Variants in POM121C observed in about 807,000 individuals in gnomAD.
The protein encoded by POM121C is POM121 transmembrane nucleoporin C.
A neutral mutation model predicts 66.4 loss-of-function variants in POM121C; 20 were observed. The ratio of observed to expected loss-of-function variants is 0.30; its 90% CI spans 0.21 to 0.44. The LOEUF (loss-of-function observed/expected upper bound fraction) is 0.44, where lower values mean the gene tolerates loss of function less well. Ranked by LOEUF, POM121C falls within the 20% of genes least tolerant of loss-of-function variation. POM121C has a pLI of 1.00. For missense variants in POM121C, 580 were observed against 1,225.7 expected (o/e 0.47, Z 7.87); for synonymous variants, 286 against 528.0 (o/e 0.54, Z 6.28).
intron 7 of POM121C, among the ~76,000 whole-genome samples, chr7:75,429,431 A>G (rs1554472079): frequency 6.6e-6 from 1 of 152,204 alleles, no homozygotes; most frequent in Non-Finnish European, 1.5e-5. Flanking sequence ...CAGGAGTTTG[A>G]GACCAGCCTG....
At chr7:75,419,042 G>A in intron 14 of POM121C, 149 bp from the exon 15 acceptor site, 1 of 1,445,726 alleles carries the variant, frequency 6.9e-7, no homozygotes, top group Non-Finnish European at 9.1e-7. Context: ...CTGTACGGGA[G>A]GAGCCTCCTG....
chr7:75,476,116 G>A (rs1297690045), intron 1 of POM121C, among the ~76,000 whole-genome samples: 1 of 152,114 alleles, frequency 6.6e-6, no homozygotes, highest in African/African-American at 2.4e-5. Flanking sequence ...CCTTATCTCT[G>A]CTAAAAATAA....
At chr7:75,454,070 T>C (rs868955673) in intron 3 of POM121C, among the ~76,000 whole-genome samples, 7 of 152,228 alleles carry the variant, frequency 4.6e-5, no homozygotes, top group Middle Eastern at 3.2e-3. Flanking sequence ...ACTTTATTTA[T>C]TGGTCAGGGC....
In POM121C at chr7:75,421,172, C is replaced by T. The variant is rs191620920; in HGVS notation, c.2743+337G>A. On this transcript the variant is annotated intron_variant, in intron 13 of 14. Coordinates refer to ENST00000615331, the MANE Select transcript of POM121C (RefSeq NM_001099415.3). ...GGTATTTTTAGTAGAGACAGGGTTT[C>T]GCCAAGTTGCCCAGGCTGGTCTTGA... The T allele has an allele frequency of 8.0e-5, 39 of 487,206 alleles. 1 individual carries two copies. The highest frequency in any genetic ancestry group is 6.8e-4 in the African/African-American group (34 of 49,858). 30.2% of individuals were successfully genotyped at this position (487,206 alleles called of 1,614,324 possible). A position where few individuals can be genotyped will look rare whatever the true frequency, so the allele number is the denominator to read the frequency against.
rs587613557 is a variant in POM121C, at chr7:75,419,271, A to G, written c.2866+49T>C. 6.3e-5 allele frequency: 98 copies of G among 1,564,116 alleles called. No individual in the cohort carries two copies. In the Admixed American group the frequency reaches 8.4e-4, roughly 13 times the overall value. On this transcript the variant is annotated intron_variant, in intron 14 of 14. Coordinates refer to ENST00000615331, the MANE Select transcript of POM121C (RefSeq NM_001099415.3). ...GGCCAGGAGCCTGCCACCCCACCCA[A>G]CCTCTCCTCAGACAGACGAGCAGGG...
intron 7 of POM121C, among the ~76,000 whole-genome samples, chr7:75,435,394 T>C (rs1455286677): frequency 1.3e-5 from 2 of 151,908 alleles, no homozygotes; most frequent in Admixed American, 1.3e-4. Flanking sequence ...CAAAAAATAA[T>C]AAAAATGGAG....
At chr7:75,482,460 G>A (rs182920248) in intron 1 of POM121C, among the ~76,000 whole-genome samples, 29 of 152,302 alleles carry the variant, frequency 1.9e-4, no homozygotes, top group African/African-American at 6.7e-4. Flanking sequence ...TTGGGACACC[G>A]AGGCGGGCAG....
At chr7:75,438,775 C>G (rs1485859885) in intron 6 of POM121C, among the ~76,000 whole-genome samples, 2 of 152,184 alleles carry the variant, frequency 1.3e-5, no homozygotes, top group Non-Finnish European at 2.9e-5. Context: ...GAGCCACTTT[C>G]CTTTCCACCC....
chr7:75,438,539 T>C (rs1162991012), intron 6 of POM121C, among the ~76,000 whole-genome samples: 1 of 152,236 alleles, frequency 6.6e-6, no homozygotes, highest in Non-Finnish European at 1.5e-5. Context: ...TCACTGGGAA[T>C]GAATTTCCGT....
intron 7 of POM121C, among the ~76,000 whole-genome samples, chr7:75,430,710 C>T (rs2116364680): frequency 6.6e-6 from 1 of 152,254 alleles, no homozygotes; most frequent in South Asian, 2.1e-4. Context: ...GTAACACATA[C>T]ATGACAGAGA....
At chr7:75,457,984 C>T (rs1354049977) in intron 3 of POM121C, among the ~76,000 whole-genome samples, 10 of 152,286 alleles carry the variant, frequency 6.6e-5, no homozygotes, top group African/African-American at 2.2e-4. Context: ...GAAGGCCAAA[C>T]CCAGTTTTCA....
intron 13 of POM121C, chr7:75,421,226 T>C (rs1554470571): frequency 3.3e-6 from 3 of 918,712 alleles, no homozygotes; most frequent in African/African-American, 1.8e-5. Flanking sequence ...TCCACCCTCC[T>C]TGGCCTCCCA....
rs1477460668 is a variant in POM121C at position 75,459,621 on chromosome 7, G to A, written c.-152+15083C>T. On this transcript the variant is annotated intron_variant, in intron 3 of 14. Transcript: ENST00000615331. ...TCTCAAAAAAAAAAAAAAAAAAAAA[G>A]AAAGAAATGAAGAAAAATCCAGAGA... 1.5e-4 allele frequency among the ~76,000 whole-genome samples: 20 copies of A among 134,768 alleles called. 1 individual carries two copies. Among genetic ancestry groups the A allele is most frequent in the Admixed American group, 1.1e-3 (13 of 11,984 alleles). 88.4% of individuals were successfully genotyped at this position (134,768 alleles called of 152,430 possible). A position where few individuals can be genotyped will look rare whatever the true frequency, so the allele number is the denominator to read the frequency against.
intron 3 of POM121C, among the ~76,000 whole-genome samples, chr7:75,448,982 G>GT (rs782452791): frequency 1.3e-5 from 2 of 151,902 alleles, no homozygotes; most frequent in African/African-American, 2.4e-5. Context: ...ATGCAGTGGT[G>GT]TGATTGTGGC....
At chr7:75,448,981 T>C (rs2690661) in intron 3 of POM121C, among the ~76,000 whole-genome samples, 13 of 151,378 alleles carry the variant, frequency 8.6e-5, no homozygotes, top group East Asian at 6.2e-4. Context: ...AATGCAGTGG[T>C]GTGATTGTGG....
chr7:75,440,873 G>A lies in POM121C; in HGVS notation c.227+81C>T, dbSNP rs1490073337. The A allele has an allele frequency of 3.1e-6, 5 of 1,610,176 alleles. No individual in the cohort carries two copies. In the African/African-American group the frequency reaches 4.0e-5, roughly 13 times the overall value. ...GGCTCACAAACTGGACGTGGCCTCT[G>A]TATCTTTACGGGAATGTCTACATCT... On this transcript the variant is annotated intron_variant, in intron 5 of 14. Coordinates refer to ENST00000615331, the MANE Select transcript of POM121C (RefSeq NM_001099415.3).
intron 7 of POM121C, among the ~76,000 whole-genome samples, chr7:75,427,982 A>G (rs1246954929): frequency 1.3e-5 from 2 of 152,210 alleles, no homozygotes; most frequent in African/African-American, 4.8e-5. Flanking sequence ...CCAGAGCACA[A>G]TGGTTTAAAA....
At chr7:75,461,925 G>A (rs868929258) in intron 3 of POM121C, among the ~76,000 whole-genome samples, 68 of 150,012 alleles carry the variant, frequency 4.5e-4, no homozygotes, top group African/African-American at 1.5e-3. Flanking sequence ...AATATAACAT[G>A]TTGACTGGTA....
chr7:75,428,355 G>A (rs587739725), intron 7 of POM121C, among the ~76,000 whole-genome samples: 1 of 152,170 alleles, frequency 6.6e-6, no homozygotes, highest in Non-Finnish European at 1.5e-5. Flanking sequence ...GGCCAGGATG[G>A]TCTTGATCTC....
Sources: gnomAD v4.1 joint callset for allele counts (sites outside exome capture counted in the v4.1 genomes callset) on GRCh38, gnomAD v4.1.1 for gene constraint, MANE v1.5 for transcripts, NCBI Gene and HGNC (gene_info 2026-07-23, HGNC 2026-07-21) for gene names.